DNMT3B: variants seen among roughly 807,000 people sequenced by gnomAD.
DNMT3B encodes DNA methyltransferase 3 beta.
A neutral mutation model predicts 120.2 loss-of-function variants in DNMT3B; 37 were observed. The observed-to-expected ratio is 0.31, with a 90% confidence interval of 0.24 to 0.40. The LOEUF (loss-of-function observed/expected upper bound fraction) is 0.40, where lower values mean the gene tolerates loss of function less well. Ranked by LOEUF, DNMT3B falls within the 10% of genes least tolerant of loss-of-function variation. The pLI is 1.00. For missense variants in DNMT3B, 878 were observed against 1,137.3 expected, an observed-to-expected ratio of 0.77 and a Z score of 3.28; for synonymous variants, 412 against 442.8, an observed-to-expected ratio of 0.93 and a Z score of 0.87.
chr20:32,808,054 C>T lies in DNMT3B; in HGVS notation c.*151C>T. 3 of 1,349,664 alleles carry T rather than the reference C, an allele frequency of 2.2e-6. No homozygotes were observed. Among genetic ancestry groups the T allele is most frequent in the South Asian group, 1.3e-5 (1 of 77,930 alleles). The allele number at this position is 1,349,664 out of a possible 1,614,324, so 83.6% of individuals were successfully genotyped here. On this transcript the variant is annotated 3_prime_UTR_variant, in exon 23 of 23. Transcript: ENST00000328111. ...CCCTCTTGCTCAGTGGGGGCAGAGC[C>T]ACCTGACTCTTGCAGGGGTAGCCTG...
intron 1 of DNMT3B, among the ~76,000 whole-genome samples, chr20:32,769,721 T>A (rs1490222413): frequency 6.6e-6 from 1 of 152,126 alleles, no homozygotes; most frequent in Non-Finnish European, 1.5e-5. Context: ...GTACTGCTTT[T>A]TCCAGAATGT....
intron 1 of DNMT3B, among the ~76,000 whole-genome samples, chr20:32,773,129 T>TC (rs1987844263): frequency 6.6e-6 from 1 of 151,512 alleles, no homozygotes; most frequent in Admixed American, 6.6e-5. Flanking sequence ...TTTTTTTTTT[T>TC]TGAGAGGGAG....
At chr20:32,799,379 G>C (rs562519567) in intron 16 of DNMT3B, 51 bp downstream of exon 16, 2 of 1,584,520 alleles carry the variant, frequency 1.3e-6, no homozygotes, top group Non-Finnish European at 1.7e-6. Context: ...CAACAGGGTA[G>C]CCAGGGAGTC....
In DNMT3B at chr20:32,796,821, C is replaced by T. The variant is rs1445023772; in HGVS notation, c.1329C>T (p.Pro443=). ...DGCLSCGRKN[P]VSFHPLFEGG... ...GTTTGTCTTGTGGCAGGAAAAACCC[C>T]GTGTCCTTCCACCCTCTCTTTGAGG... Residue 443 remains proline (P), a synonymous_variant, in exon 13 of 23, where the codon CCC becomes CCT. Coordinates refer to ENST00000328111, the MANE Select transcript of DNMT3B (RefSeq NM_006892.4). 7.4e-6 allele frequency: 12 copies of T among 1,614,202 alleles called. No individual in the cohort carries two copies. Among genetic ancestry groups the T allele is most frequent in the South Asian group, 3.3e-5 (3 of 91,088 alleles).
rs1056032157 is a variant in DNMT3B, at chr20:32,795,295, C to T, written c.1127-114C>T. The T allele has an allele frequency of 3.2e-6, 5 of 1,539,886 alleles. No individual in the cohort carries two copies. The Admixed American group carries it at 6.7e-5, about 21-fold the overall frequency. On this transcript the variant is annotated intron_variant, in intron 10 of 22. Coordinates refer to ENST00000328111, the MANE Select transcript of DNMT3B (RefSeq NM_006892.4). Reference sequence around the variant, plus strand: ...GCCATATACATTCAGTGTGGACCCCCTGTCATGCCCCAATTGCAGCTGGTA... The same window carrying T: ...GCCATATACATTCAGTGTGGACCCCTTGTCATGCCCCAATTGCAGCTGGTA...
chr20:32,792,745 C>T lies in DNMT3B; in HGVS notation c.1041C>T (p.Gly347=). Reference sequence around the variant, plus strand: ...GCTTCAAGCCCACTGGGATCGAGGGCCTCAAACCCAACAACACGCAACCAG... The same window carrying T: ...GCTTCAAGCCCACTGGGATCGAGGGTCTCAAACCCAACAACACGCAACCAG... ...HGGFKPTGIE[G]LKPNNTQPVV... The change falls in exon 9 of 23, where the codon GGC becomes GGT. Residue 347 remains glycine (G), a synonymous_variant. Transcript: ENST00000328111. 6.2e-7 allele frequency: 1 copy of T among 1,614,222 alleles called. No individual in the cohort carries two copies. Among genetic ancestry groups the T allele is most frequent in the South Asian group, 1.1e-5 (1 of 91,090 alleles).
intron 4 of DNMT3B, among the ~76,000 whole-genome samples, chr20:32,785,684 A>C (rs1293846793): frequency 6.6e-6 from 1 of 152,012 alleles, no homozygotes; most frequent in Admixed American, 6.6e-5. Context: ...TTAAACATCA[A>C]CTCTTCTATG....
chr20:32,767,762 C>T (rs143050955), intron 1 of DNMT3B, among the ~76,000 whole-genome samples: 2 of 152,322 alleles, frequency 1.3e-5, no homozygotes, highest in African/African-American at 4.8e-5. Flanking sequence ...GAGCCTCAGC[C>T]TGCATGTCTG....
At chr20:32,787,492 C>G in intron 6 of DNMT3B, 41 bp downstream of exon 6, 2 of 1,593,952 alleles carry the variant, frequency 1.3e-6, no homozygotes, top group Non-Finnish European at 1.7e-6. Context: ...GACTGAGGAC[C>G]CTGAACACGG....
At chr20:32,790,590 A>G (rs945329583) in intron 7 of DNMT3B, among the ~76,000 whole-genome samples, 1 of 152,172 alleles carries the variant, frequency 6.6e-6, no homozygotes, top group Non-Finnish European at 1.5e-5. Context: ...CATATAGGAA[A>G]TCAGGCATTC....
intron 14 of DNMT3B, 120 bp downstream of exon 14, chr20:32,797,419 G>T (rs771707998): frequency 2.1e-6 from 2 of 942,214 alleles, no homozygotes; most frequent in Non-Finnish European, 3.2e-6. Flanking sequence ...GAGCTAATTT[G>T]CCCTGGAAGC....
At chr20:32,788,316 G>A (rs1979573532) in intron 6 of DNMT3B, among the ~76,000 whole-genome samples, 1 of 152,114 alleles carries the variant, frequency 6.6e-6, no homozygotes, top group South Asian at 2.1e-4. Flanking sequence ...AGTTGCCTGA[G>A]GTTCATGTCT....
In DNMT3B at chr20:32,801,434, A is replaced by T. The variant is rs1187808588; in HGVS notation, c.2145+8A>T. The T allele has an allele frequency of 6.2e-7, 1 of 1,613,826 alleles. No individual in the cohort carries two copies. The highest frequency in any genetic ancestry group is 1.7e-5 in the Admixed American group (1 of 60,004). ...ATCTCACGGTTCCTGGAGGTGAGGG[A>T]ATCTGGGGACCTGATTGTCACAGAC... is the stretch of plus-strand genomic sequence containing the variant. On this transcript the variant is annotated splice_region_variant and intron_variant, in intron 19 of 22. Transcript: ENST00000328111.
At chr20:32,788,565 TAGC>T (rs1339688724) in intron 6 of DNMT3B, among the ~76,000 whole-genome samples, 1 of 151,634 alleles carries the variant, frequency 6.6e-6, no homozygotes, top group Non-Finnish European at 1.5e-5. Flanking sequence ...GCCTCCTGAG[TAGC>T]TAGGACTACA....
In DNMT3B at chr20:32,806,780, AGTTCT is replaced by A. The variant is rs915634004; in HGVS notation, c.2420+467_2420+471del. 6.6e-5 allele frequency among the ~76,000 whole-genome samples: 10 copies of A among 152,140 alleles called. No homozygotes were observed. In the East Asian group the frequency reaches 1.2e-3, roughly 18 times the overall value. ...TGCAAATAACCATCTCTTGGATTTC[AGTTCT>A]GTTCTGTTCTGTTTTCTTTCACTCC... is the stretch of plus-strand genomic sequence containing the variant. On this transcript the variant is annotated intron_variant, in intron 22 of 22. Transcript: ENST00000328111.
chr20:32,804,973 C>A (rs2146080222), intron 20 of DNMT3B, among the ~76,000 whole-genome samples: 1 of 152,286 alleles, frequency 6.6e-6, no homozygotes, highest in South Asian at 2.1e-4. Context: ...AAGCTCCTCA[C>A]TTTAAAATAG....
intron 1 of DNMT3B, among the ~76,000 whole-genome samples, chr20:32,773,188 C>T (rs188353267): frequency 5.5e-4 from 84 of 151,570 alleles, no homozygotes; most frequent in African/African-American, 1.8e-3. Flanking sequence ...CTCACTGCGA[C>T]GTCCACCTCC....
Position 32,786,960 on chromosome 20 carries a change from C to T in DNMT3B, c.433-270C>T, listed in dbSNP as rs1256417940. 3.9e-5 allele frequency among the ~76,000 whole-genome samples: 6 copies of T among 152,194 alleles called. No homozygotes were observed. The South Asian group carries it at 8.3e-4, about 21-fold the overall frequency. On this transcript the variant is annotated intron_variant, in intron 5 of 22. Coordinates refer to ENST00000328111, the MANE Select transcript of DNMT3B (RefSeq NM_006892.4). ...TTCACCTGTCTTGAGGCAACCCTAG[C>T]GGGTATGGCAACATTTCACTCTCTG...
chr20:32,805,367 T>TCA lies in DNMT3B; in HGVS notation c.2262_2263insAC (p.Glu755ThrfsTer12). ...GTGATAGCATCAAAGAATGATAAAC[T>TCA]CGAGCTGCAGGACTGCTTGGAATAC... On this transcript the variant is annotated frameshift_variant, in exon 21 of 23. Coordinates refer to ENST00000328111, the MANE Select transcript of DNMT3B (RefSeq NM_006892.4). LOFTEE classifies it high-confidence loss of function. The TCA allele has an allele frequency of 1.2e-6, 2 of 1,614,094 alleles. No homozygotes were observed. The highest frequency in any genetic ancestry group is 1.7e-6 in the Non-Finnish European group (2 of 1,179,998).
Sources: gnomAD v4.1 joint callset for allele counts (sites outside exome capture counted in the v4.1 genomes callset) on GRCh38, gnomAD v4.1.1 for gene constraint, MANE v1.5 for transcripts, NCBI Gene and HGNC (gene_info 2026-07-23, HGNC 2026-07-21) for gene names.